The following TRPV6 variants were observed in gnomAD, a reference collection of about 807,000 sequenced individuals.
The protein encoded by TRPV6 is Alu-binding protein with zinc finger domain.
In TRPV6, 39 loss-of-function variants were observed where a neutral mutation model predicts 79.0. That is an observed-to-expected ratio of 0.49 (90% CI 0.38 to 0.64). TRPV6 has a LOEUF of 0.64. TRPV6 is among the 30% of genes least tolerant of loss of function. The pLI, the probability that TRPV6 is intolerant of heterozygous loss-of-function variation, is 0.00. For synonymous variants in TRPV6, 373 were observed against 391.9 expected, an observed-to-expected ratio of 0.95 and a Z score of 0.57; for missense variants, 813 against 1,011.1, an observed-to-expected ratio of 0.80 and a Z score of 2.66.
Position 142,874,475 on chromosome 7 carries a change from T to G in TRPV6, c.1572+16A>C, listed in dbSNP as rs1795009877. On this transcript the variant is annotated intron_variant, in intron 11 of 14. Transcript: ENST00000359396. ...CTCTGGGGCCTTTCTCTAGGGAGCT[T>G]GGGGGGAGGACTGACCTTCTGAATC... The G allele has an allele frequency of 3.7e-6, 6 of 1,613,630 alleles. No homozygotes were observed. Among genetic ancestry groups the G allele is most frequent in the Non-Finnish European group, 4.2e-6 (5 of 1,179,694 alleles).
chr7:142,876,324 C>A, intron 6 of TRPV6, 84 bp downstream of exon 6: 1 of 1,511,822 alleles, frequency 6.6e-7, no homozygotes, highest in Non-Finnish European at 8.9e-7. Context: ...TCAGGGATCG[C>A]GTTCACCTCT....
intron 4 of TRPV6, 143 bp from the exon 5 acceptor site, chr7:142,876,980 T>G: frequency 6.9e-7 from 1 of 1,440,898 alleles, no homozygotes; most frequent in Non-Finnish European, 9.4e-7. Context: ...AGAGGAAGGG[T>G]CGTGGGGTAA....
Position 142,874,125 on chromosome 7 carries a change from C to T in TRPV6, c.1590G>A (p.Leu530=). ...CAGCCATCAGCCAGCAGAATCGCAT[C>T]AGGTCGCCAAAAATCATCTAGAAGG... The change falls in exon 12 of 15, where the codon CTG becomes CTA. Residue 530 remains leucine, a synonymous_variant. Transcript: ENST00000359396. 4 of 1,613,842 alleles carry T rather than the reference C, an allele frequency of 2.5e-6. No homozygotes were observed. Among genetic ancestry groups the T allele is most frequent in the Non-Finnish European group, 3.4e-6 (4 of 1,179,900 alleles).
At chr7:142,881,171 C>T (rs1304168190) in intron 1 of TRPV6, 1 of 152,202 alleles carries the variant, frequency 6.6e-6, no homozygotes, top group Non-Finnish European at 1.5e-5. Context: ...CCTTGGGTCC[C>T]TGAAGGAGGT....
chr7:142,877,440 C>A, intron 3 of TRPV6, 161 bp from the exon 4 acceptor site: 1 of 1,463,906 alleles, frequency 6.8e-7, no homozygotes, highest in Non-Finnish European at 9.1e-7. Flanking sequence ...TGCTGCCCAT[C>A]TCTTCCTCTT....
chr7:142,873,902 T>C lies in TRPV6; in HGVS notation c.1639+174A>G. The C allele has an allele frequency of 1.9e-6, 2 of 1,076,448 alleles. No homozygotes were observed. The highest frequency in any genetic ancestry group is 2.6e-5 in the East Asian group (1 of 38,518). The allele number at this position is 1,076,448 out of a possible 1,614,324, so 66.7% of individuals were successfully genotyped here. ...CCTCATCTTGATCCTAAGAGCCACC[T>C]CTCCCTAACACTCCCGATTTTTCTC... On this transcript the variant is annotated intron_variant, in intron 12 of 14. Transcript: ENST00000359396. The surrounding 1 kb of genome is among the most constrained non-coding windows in gnomAD (Gnocchi z 4.8).
At position 142,874,484 on chromosome 7, in the gene TRPV6, G is replaced by A; in HGVS notation, c.1572+7C>T. The A allele has an allele frequency of 6.2e-7, 1 of 1,614,084 alleles. No homozygotes were observed. The highest frequency in any genetic ancestry group is 8.5e-7 in the Non-Finnish European group (1 of 1,179,988). On this transcript the variant is annotated splice_region_variant and intron_variant, in intron 11 of 14. Coordinates refer to ENST00000359396, the MANE Select transcript of TRPV6 (RefSeq NM_018646.6). The stretch of plus-strand genomic sequence containing the variant: ...CTTTCTCTAGGGAGCTTGGGGGGAG[G>A]ACTGACCTTCTGAATCATGATGGTG...
chr7:142,876,412 G>C lies in TRPV6; in HGVS notation c.878C>G (p.Thr293Ser), dbSNP rs752221048. 25 of 1,613,316 alleles carry C rather than the reference G, an allele frequency of 1.5e-5. No homozygotes were observed. Among genetic ancestry groups the C allele is most frequent in the Non-Finnish European group, 2.0e-5 (24 of 1,179,664 alleles). ...GGGATGGGGACCGTCTCTCACCACA[G>C]TGTTACCCTCCACTCCAGCCAGCTT... Residue 293 changes from threonine to serine, a missense_variant, in exon 6 of 15, where the codon ACT (threonine) becomes AGT (serine). Transcript: ENST00000359396.
Position 142,871,274 on chromosome 7 carries a change from A to G in TRPV6, c.*433T>C. ...ACCTAGCCCCACTTCCCACCCCCAG[A>G]GCCGTTCCTGTCTCCCTCACTCACA... On this transcript the variant is annotated 3_prime_UTR_variant, in exon 15 of 15. Coordinates refer to ENST00000359396, the MANE Select transcript of TRPV6 (RefSeq NM_018646.6). 2.1e-6 allele frequency: 1 copy of G among 485,742 alleles called. No homozygotes were observed. Among genetic ancestry groups the G allele is most frequent in the South Asian group, 2.1e-5 (1 of 47,266 alleles). The allele number at this position is 485,742 out of a possible 1,614,324, so 30.1% of individuals were successfully genotyped here.
At chr7:142,883,047 C>T (rs1454212888) in intron 1 of TRPV6, 1 of 152,126 alleles carries the variant, frequency 6.6e-6, no homozygotes, top group Non-Finnish European at 1.5e-5. Context: ...TCTTTAGCCC[C>T]GTATGTGCCT....
At chr7:142,878,529 T>G (rs1411285738) in intron 1 of TRPV6, 3 of 167,036 alleles carry the variant, frequency 1.8e-5, no homozygotes, top group African/African-American at 7.2e-5. Context: ...GGATTTCTCC[T>G]GTTGCACCAT....
intron 6 of TRPV6, 108 bp downstream of exon 6, chr7:142,876,300 A>G: frequency 6.9e-7 from 1 of 1,454,350 alleles, no homozygotes; most frequent in Non-Finnish European, 9.2e-7. Flanking sequence ...TGAGTTGAGA[A>G]TGGGATCTAA....
chr7:142,879,578 A>G (rs1157825341), intron 1 of TRPV6: 2 of 152,200 alleles, frequency 1.3e-5, no homozygotes, highest in Non-Finnish European at 2.9e-5. Context: ...TTGACTCCAG[A>G]GCTGGAGGTG....
intron 1 of TRPV6, chr7:142,882,748 G>A (rs936496816): frequency 1.9e-4 from 29 of 152,310 alleles, no homozygotes; most frequent in African/African-American, 6.3e-4. Context: ...ACCAAGGCAA[G>A]CGTGCACAAT....
intron 5 of TRPV6, 75 bp from the exon 6 acceptor site, chr7:142,876,658 C>T (rs987661924): frequency 6.2e-7 from 1 of 1,612,178 alleles, no homozygotes; most frequent in Admixed American, 1.7e-5. Context: ...CTGAGGTCTT[C>T]CTGAAGGTCC....
intron 6 of TRPV6, 99 bp from the exon 7 acceptor site, chr7:142,876,003 G>T: frequency 7.3e-7 from 1 of 1,366,074 alleles, no homozygotes. Context: ...CCCTGGAGAA[G>T]GTGGCTGCCC....
intron 1 of TRPV6, chr7:142,882,116 A>G (rs761142847): frequency 2.0e-5 from 3 of 152,268 alleles, no homozygotes; most frequent in African/African-American, 4.8e-5. Flanking sequence ...CATGGGTCCC[A>G]CTGGTCTCTC....
chr7:142,877,130 C>A lies in TRPV6; in HGVS notation c.607+12G>T. The A allele has an allele frequency of 6.2e-7, 1 of 1,613,040 alleles. No homozygotes were observed. Among genetic ancestry groups the A allele is most frequent in the Non-Finnish European group, 8.5e-7 (1 of 1,179,264 alleles). ...CCAACTGCCCGTCCTCCAAGCCCAG[C>A]CCTGCTCTCACCAAAGTAGATGAGG... On this transcript the variant is annotated intron_variant, in intron 4 of 14. Transcript: ENST00000359396.
rs1795059938 is a variant in TRPV6, at chr7:142,876,009, T to A, written c.883-105A>T. On this transcript the variant is annotated intron_variant, in intron 6 of 14. Transcript: ENST00000359396. The stretch of plus-strand genomic sequence containing the variant: ...GGACGGCACCCCTGGAGAAGGTGGC[T>A]GCCCTTTCATTTTGATGACAGCCTT... The A allele has an allele frequency of 2.3e-6, 3 of 1,322,048 alleles. No individual in the cohort carries two copies. The African/African-American group carries it at 4.4e-5, about 19-fold the overall frequency. 81.9% of individuals were successfully genotyped at this position (1,322,048 alleles called of 1,614,324 possible).
Sources: allele counts gnomAD v4.1 joint callset, GRCh38; gene constraint gnomAD v4.1.1; non-coding constraint Gnocchi (gnomAD v3.1); transcripts MANE v1.5; gene names NCBI Gene and HGNC (gene_info 2026-07-23, HGNC 2026-07-21).